TANGO6: variants seen among roughly 807,000 people sequenced by gnomAD.
TANGO6 encodes transport and Golgi organization protein 6 homolog.
TANGO6 carries 90 observed loss-of-function variants against 114.2 expected under a neutral mutation model. The observed-to-expected ratio is 0.79, with a 90% CI of 0.66 to 0.94. The LOEUF is 0.94. Ranked by LOEUF, TANGO6 falls within the 40% of genes least tolerant of loss-of-function variation. TANGO6 has a pLI of 0.00. For synonymous variants in TANGO6, 477 were observed against 509.8 expected (o/e 0.94, Z 0.87); for missense variants, 1,274 against 1,315.3 (o/e 0.97, Z 0.49).
chr16:69,078,901 G>A (rs1960425763), intron 17 of TANGO6, among the ~76,000 whole-genome samples: 1 of 151,846 alleles, frequency 6.6e-6, no homozygotes, highest in Admixed American at 6.6e-5. Flanking sequence ...GCACCACCAC[G>A]CCCAGCTAAT....
intron 14 of TANGO6, among the ~76,000 whole-genome samples, chr16:68,940,646 A>G (rs1042265718): frequency 7.9e-5 from 12 of 151,322 alleles, no homozygotes; most frequent in African/African-American, 3.0e-4. Context: ...TGTTTATAAA[A>G]ATTTCTCAGG....
At chr16:68,969,556 G>A (rs533502642) in intron 14 of TANGO6, among the ~76,000 whole-genome samples, 1 of 152,222 alleles carries the variant, frequency 6.6e-6, no homozygotes, top group Non-Finnish European at 1.5e-5. Flanking sequence ...CCAGCAGGAA[G>A]ATAAACAATT....
chr16:68,856,885 G>A (rs746145083), intron 1 of TANGO6, among the ~76,000 whole-genome samples: 30 of 152,112 alleles, frequency 2.0e-4, no homozygotes, highest in Non-Finnish European at 3.8e-4. Context: ...TAAGGTGGGC[G>A]GATCACGAGG....
At chr16:68,934,478 G>T (rs1053724636) in intron 14 of TANGO6, among the ~76,000 whole-genome samples, 17 of 152,312 alleles carry the variant, frequency 1.1e-4, no homozygotes, top group African/African-American at 3.6e-4. Context: ...ACCCAAAGTG[G>T]TAAAGGACAA....
rs138726314 is a variant in TANGO6, at chr16:68,907,663, G to T, written c.1800+88G>T. The T allele has an allele frequency of 7.3e-5, 104 of 1,417,078 alleles. No homozygotes were observed. The African/African-American group carries it at 1.3e-3, about 18-fold the overall frequency. 87.8% of individuals were successfully genotyped at this position (1,417,078 alleles called of 1,614,324 possible). On this transcript the variant is annotated intron_variant, in intron 10 of 17. Transcript: ENST00000261778. The stretch of plus-strand genomic sequence containing the variant: ...ATTTTCAAAGCATTTATAATTTTAG[G>T]TCCTAAAATGTAGGCCCTAATTTAA...
intron 17 of TANGO6, among the ~76,000 whole-genome samples, chr16:69,056,016 G>A (rs1476386328): frequency 2.6e-5 from 4 of 151,588 alleles, no homozygotes; most frequent in African/African-American, 9.7e-5. Context: ...TCCACCCTGG[G>A]CAACAAGAGC....
chr16:68,911,658 C>A (rs1370570252), intron 11 of TANGO6, among the ~76,000 whole-genome samples: 1 of 152,164 alleles, frequency 6.6e-6, no homozygotes, highest in Non-Finnish European at 1.5e-5. Flanking sequence ...CTCAAGCAAT[C>A]CACCTGTCTC....
At chr16:68,966,825 G>A (rs1963651094) in intron 14 of TANGO6, among the ~76,000 whole-genome samples, 1 of 148,890 alleles carries the variant, frequency 6.7e-6, no homozygotes, top group African/African-American at 2.5e-5. Flanking sequence ...AGGCTGGAGT[G>A]CAGTGGCATG....
chr16:69,016,073 T>A (rs1461015374), intron 15 of TANGO6, among the ~76,000 whole-genome samples: 1 of 152,216 alleles, frequency 6.6e-6, no homozygotes, highest in African/African-American at 2.4e-5. Context: ...CTTATTTTTT[T>A]TCATAGCCTT....
At position 68,903,238 on chromosome 16, in the gene TANGO6, C is replaced by G. The variant is rs12931236; in HGVS notation, c.1667+734C>G. 7.6e-3 allele frequency among the ~76,000 whole-genome samples: 1,155 copies of G among 152,156 alleles called. 7 individuals carry two copies. Among genetic ancestry groups the G allele is most frequent in the Non-Finnish European group, 0.011 (746 of 67,998 alleles). On this transcript the variant is annotated intron_variant, in intron 9 of 17. Coordinates refer to ENST00000261778, the MANE Select transcript of TANGO6 (RefSeq NM_024562.2). ...TAAAACACCCCTTCAGTTTGATGGA[C>G]TTGAGGAAAATAGAAAAACACATAG... is the stretch of plus-strand genomic sequence containing the variant.
At position 69,023,019 on chromosome 16, in the gene TANGO6, C is replaced by G. The variant is rs533948907; in HGVS notation, c.2994+40C>G. On this transcript the variant is annotated intron_variant, in intron 16 of 17. Transcript: ENST00000261778. ...TTCCTTTCTCTAAAGCGTGTTTTCACTTGGACCTACGATGCATCTTGAGAT... is the reference window on the plus strand; with the variant it reads ...TTCCTTTCTCTAAAGCGTGTTTTCAGTTGGACCTACGATGCATCTTGAGAT... 5.3e-6 allele frequency: 8 copies of G among 1,509,210 alleles called. No homozygotes were observed. The South Asian group carries it at 9.4e-5, about 18-fold the overall frequency. The allele number at this position is 1,509,210 out of a possible 1,614,324, so 93.5% of individuals were successfully genotyped here. A position where few individuals can be genotyped will look rare whatever the true frequency, so the allele number is the denominator to read the frequency against.
At chr16:68,959,316 C>T (rs1963565597) in intron 14 of TANGO6, among the ~76,000 whole-genome samples, 1 of 152,084 alleles carries the variant, frequency 6.6e-6, no homozygotes, top group Admixed American at 6.6e-5. Context: ...GGGCCGAGTG[C>T]GGTGGCTCAC....
intron 7 of TANGO6, among the ~76,000 whole-genome samples, chr16:68,885,107 T>C (rs767143087): frequency 1.3e-5 from 2 of 152,204 alleles, no homozygotes; most frequent in Non-Finnish European, 2.9e-5. Context: ...CTGCTAATAC[T>C]AAATTATAGA....
chr16:68,894,994 T>C (rs1429775415), intron 7 of TANGO6, among the ~76,000 whole-genome samples: 1 of 152,212 alleles, frequency 6.6e-6, no homozygotes, highest in Admixed American at 6.5e-5. Context: ...TGCCCTTTGC[T>C]AACAATGTGT....
At chr16:69,029,100 T>C (rs887750711) in intron 16 of TANGO6, among the ~76,000 whole-genome samples, 1 of 152,212 alleles carries the variant, frequency 6.6e-6, no homozygotes, top group African/African-American at 2.4e-5. Flanking sequence ...GCTAGCAGCA[T>C]ATGATTTACT....
chr16:68,995,638 A>G (rs980541948), intron 15 of TANGO6, among the ~76,000 whole-genome samples: 3 of 152,202 alleles, frequency 2.0e-5, no homozygotes, highest in African/African-American at 7.2e-5. Flanking sequence ...TCCAGCCCTT[A>G]ACCAAGACTA....
intron 4 of TANGO6, among the ~76,000 whole-genome samples, chr16:68,874,819 G>A (rs1169539935): frequency 1.4e-4 from 21 of 152,056 alleles, no homozygotes; most frequent in Non-Finnish European, 1.8e-4. Flanking sequence ...GCATGGTGGT[G>A]TATTCCTGTA....
intron 17 of TANGO6, among the ~76,000 whole-genome samples, chr16:69,067,057 C>T (rs762022234): frequency 1.3e-5 from 2 of 152,060 alleles, no homozygotes. Flanking sequence ...ACACCATGCC[C>T]GACTAATTCT....
intron 17 of TANGO6, among the ~76,000 whole-genome samples, chr16:69,063,797 T>G (rs1331223166): frequency 8.2e-6 from 1 of 122,266 alleles, no homozygotes; most frequent in Non-Finnish European, 1.6e-5. Context: ...CTTCTTCTTC[T>G]TCTTCTTCTT....
Sources: allele counts gnomAD v4.1 joint callset (sites outside exome capture counted in the v4.1 genomes callset), GRCh38; gene constraint gnomAD v4.1.1; transcripts MANE v1.5; gene names NCBI Gene and HGNC (gene_info 2026-07-23, HGNC 2026-07-21).